The following SLK variants were observed in gnomAD, a reference collection of about 807,000 sequenced individuals.
The protein encoded by SLK is STE20-like serine/threonine-protein kinase.
Under a neutral mutation model 147.7 loss-of-function variants are expected in SLK, and 67 were observed. The observed-to-expected ratio is 0.45, with a 90% confidence interval of 0.37 to 0.56. The LOEUF (loss-of-function observed/expected upper bound fraction) is 0.56. Ranked by LOEUF, SLK falls within the 20% of genes least tolerant of loss-of-function variation. SLK has a pLI of 0.00. For missense variants in SLK, 1,136 were observed against 1,438.8 expected (o/e 0.79, Z 3.41); for synonymous variants, 441 against 475.0 (o/e 0.93, Z 0.93).
chr10:103,998,482 C>CAT (rs1844203850), intron 4 of SLK, among the ~76,000 whole-genome samples: 1 of 152,152 alleles, frequency 6.6e-6, no homozygotes, highest in African/African-American at 2.4e-5. Context: ...TTTAGCAAGA[C>CAT]ATACACTGTC....
In SLK at chr10:104,005,657, A is replaced by G. The variant is rs763066659; in HGVS notation, c.2446A>G (p.Ser816Gly). The change falls in exon 10 of 19, where the codon AGT becomes GGT. Residue 816 changes from serine (S) to glycine (G), a missense_variant. Ser to Gly is a moderately conservative substitution (Grantham distance 56, BLOSUM62 0). Coordinates refer to ENST00000369755, the MANE Select transcript of SLK (RefSeq NM_014720.4). ...SVTTSKIVTDSDSKTEELRFL... is the reference protein window; with the variant it reads ...SVTTSKIVTDGDSKTEELRFL... Reference sequence around the variant, plus strand: ...AACAACATCAAAGATAGTTACAGATAGTGATTCCAAAACTGAAGAATTGCG... The same window carrying G: ...AACAACATCAAAGATAGTTACAGATGGTGATTCCAAAACTGAAGAATTGCG... The G allele has an allele frequency of 1.9e-6, 3 of 1,610,592 alleles. No homozygotes were observed. The Admixed American group carries it at 5.0e-5, about 27-fold the overall frequency.
At chr10:103,996,467 C>T (rs544259620) in intron 4 of SLK, among the ~76,000 whole-genome samples, 1 of 145,246 alleles carries the variant, frequency 6.9e-6, no homozygotes, top group African/African-American at 2.6e-5. Context: ...GGCGCTATCT[C>T]GGCTCACTGC....
chr10:104,008,180 A>G lies in SLK; in HGVS notation c.2608A>G (p.Lys870Glu). The G allele has an allele frequency of 1.2e-6, 2 of 1,612,040 alleles. No individual in the cohort carries two copies. The highest frequency in any genetic ancestry group is 1.7e-6 in the Non-Finnish European group (2 of 1,179,214). ...CTTGAGCTATATTGTTTTACAGAGT[A>G]AAAAGCGACAATATGACCAGGAAAT... ...FRRFEQEMMS[K>E]KRQYDQEIEN... Residue 870 changes from lysine to glutamate, a missense_variant, in exon 12 of 19, where the codon AAA becomes GAA. By Grantham distance (56) the Lys-to-Glu change is moderately conservative. Coordinates refer to ENST00000369755, the MANE Select transcript of SLK (RefSeq NM_014720.4).
chr10:104,001,430 T>A lies in SLK; in HGVS notation c.865-14T>A. The A allele has an allele frequency of 6.2e-7, 1 of 1,610,978 alleles. No individual in the cohort carries two copies. Among genetic ancestry groups the A allele is most frequent in the Non-Finnish European group, 8.5e-7 (1 of 1,177,410 alleles). On this transcript the variant is annotated splice_polypyrimidine_tract_variant and intron_variant, in intron 7 of 18. Transcript: ENST00000369755. The stretch of plus-strand genomic sequence containing the variant: ...ATTCCAGTTGTTGAGTATGTTCTTT[T>A]TAATGATCAACAGCATCCCTTTGTT...
chr10:103,984,119 A>C (rs928441500), intron 1 of SLK, among the ~76,000 whole-genome samples: 1 of 152,178 alleles, frequency 6.6e-6, no homozygotes, highest in Non-Finnish European at 1.5e-5. Context: ...CTGGACCCTA[A>C]CTGATACAAG....
chr10:103,995,538 T>C (rs893582137), intron 4 of SLK, among the ~76,000 whole-genome samples: 1 of 151,364 alleles, frequency 6.6e-6, no homozygotes, highest in Non-Finnish European at 1.5e-5. Flanking sequence ...GGGATTCTTG[T>C]GCCTCAGCCT....
In SLK at chr10:104,008,378, T is replaced by C. The variant is rs765077265; in HGVS notation, c.2784+22T>C. The C allele has an allele frequency of 1.9e-6, 3 of 1,543,608 alleles. No homozygotes were observed. The Admixed American group carries it at 6.2e-5, about 32-fold the overall frequency. On this transcript the variant is annotated intron_variant, in intron 12 of 18. Transcript: ENST00000369755. ...GGAGGTAAGTGTAAACTACTGTTTT[T>C]AATTACTAAAGCTTTTTTTTTAAAA...
chr10:104,001,058 C>CAAA lies in SLK; in HGVS notation c.865-360_865-358dup, dbSNP rs57046306. The stretch of plus-strand genomic sequence containing the variant: ...TGAGTGATAGAGTGAGACTCCGTCT[C>CAAA]AAAAAAAAAAAAAAAAAAAAAAAAA... On this transcript the variant is annotated intron_variant, in intron 7 of 18. Coordinates refer to ENST00000369755, the MANE Select transcript of SLK (RefSeq NM_014720.4). Among the ~76,000 whole-genome samples the CAAA allele has an allele frequency of 8.3e-4, 59 of 70,996 alleles. 1 individual carries two copies. The highest frequency in any genetic ancestry group is 9.8e-4 in the African/African-American group (15 of 15,340). The allele number at this position is 70,996 out of a possible 152,430, so 46.6% of individuals were successfully genotyped here. A position where few individuals can be genotyped will look rare whatever the true frequency, so the allele number is the denominator to read the frequency against.
At chr10:104,000,917 G>C (rs893033401) in intron 7 of SLK, among the ~76,000 whole-genome samples, 4 of 151,754 alleles carry the variant, frequency 2.6e-5, no homozygotes, top group Non-Finnish European at 4.4e-5. Flanking sequence ...AAATCAGCCG[G>C]GCATGGTGGC....
chr10:104,002,012 G>A (rs553499997), intron 8 of SLK, among the ~76,000 whole-genome samples, 160 bp from the exon 9 acceptor site: 3 of 152,168 alleles, frequency 2.0e-5, no homozygotes, highest in East Asian at 1.9e-4. Flanking sequence ...CACCGCACCC[G>A]GCCCATTTTT....
chr10:104,024,838 C>G (rs544379932), intron 18 of SLK, among the ~76,000 whole-genome samples: 12 of 152,242 alleles, frequency 7.9e-5, no homozygotes, highest in Admixed American at 1.3e-4. Context: ...TTACAGACTG[C>G]CGACTTCTCA....
intron 1 of SLK, 28 bp downstream of exon 1, chr10:103,967,923 C>T (rs551901210): frequency 1.2e-6 from 2 of 1,610,722 alleles, no homozygotes; most frequent in South Asian, 2.2e-5. Context: ...GGAAGTTGTA[C>T]TGCGAAGGTA....
chr10:103,997,315 G>A (rs901738635), intron 4 of SLK, among the ~76,000 whole-genome samples: 1 of 152,090 alleles, frequency 6.6e-6, no homozygotes, highest in Non-Finnish European at 1.5e-5. Flanking sequence ...TTGTTTATCC[G>A]TTCATCCATC....
Position 104,005,895 on chromosome 10 carries a change from C to G in SLK, c.2481-17C>G. ...ATTTTTGCTGTCTTCTCTATCATTA[C>G]CATTAAATTTTATCAGACGTCAGGA... On this transcript the variant is annotated splice_polypyrimidine_tract_variant and intron_variant, in intron 10 of 18. Transcript: ENST00000369755. 1 of 1,593,840 alleles carries G rather than the reference C, an allele frequency of 6.3e-7. No homozygotes were observed.
chr10:104,025,785 CCA>C lies in SLK; in HGVS notation c.*68_*69del. ...TATGTCATTCTGTTCTCATCTTCTG[CCA>C]CAGTCTCTCAGATAGCTCATGAAGA... is the stretch of plus-strand genomic sequence containing the variant. On this transcript the variant is annotated 3_prime_UTR_variant, in exon 19 of 19. Coordinates refer to ENST00000369755, the MANE Select transcript of SLK (RefSeq NM_014720.4). 1 of 1,414,344 alleles carries C rather than the reference CCA, an allele frequency of 7.1e-7. No homozygotes were observed. 87.6% of individuals were successfully genotyped at this position (1,414,344 alleles called of 1,614,324 possible). A position where few individuals can be genotyped will look rare whatever the true frequency, so the allele number is the denominator to read the frequency against.
Position 104,008,064 on chromosome 10 carries a change from T to C in SLK, c.2605-113T>C, listed in dbSNP as rs1844351358. 3 of 760,218 alleles carry C rather than the reference T, an allele frequency of 3.9e-6. No individual in the cohort carries two copies. In the East Asian group the frequency reaches 7.7e-5, roughly 20 times the overall value. 47.1% of individuals were successfully genotyped at this position (760,218 alleles called of 1,614,324 possible). A position where few individuals can be genotyped will look rare whatever the true frequency, so the allele number is the denominator to read the frequency against. ...GACTTTTTCAGTATTGTGAAGGTTA[T>C]AGTACATTACTAAATTTAAATACTA... On this transcript the variant is annotated intron_variant, in intron 11 of 18. Transcript: ENST00000369755.
At position 104,010,922 on chromosome 10, in the gene SLK, C is replaced by G; in HGVS notation, c.2877+14C>G. ...CAGCATGCTCAGGTAACAGCAGCAGCTTAATGCTACTAAAACCAGAAAGCA... is the reference window on the plus strand; with the variant it reads ...CAGCATGCTCAGGTAACAGCAGCAGGTTAATGCTACTAAAACCAGAAAGCA... On this transcript the variant is annotated intron_variant, in intron 13 of 18. Coordinates refer to ENST00000369755, the MANE Select transcript of SLK (RefSeq NM_014720.4). The G allele has an allele frequency of 6.6e-7, 1 of 1,520,464 alleles. No homozygotes were observed. The highest frequency in any genetic ancestry group is 8.8e-7 in the Non-Finnish European group (1 of 1,131,148). The allele number at this position is 1,520,464 out of a possible 1,614,324, so 94.2% of individuals were successfully genotyped here. A position where few individuals can be genotyped will look rare whatever the true frequency, so the allele number is the denominator to read the frequency against.
At chr10:103,997,627 C>T (rs1343443981) in intron 4 of SLK, among the ~76,000 whole-genome samples, 2 of 151,832 alleles carry the variant, frequency 1.3e-5, no homozygotes, top group East Asian at 1.9e-4. Context: ...GGGTGTGAAG[C>T]GGTAATGGGT....
chr10:103,982,137 T>C (rs11191889), intron 1 of SLK, among the ~76,000 whole-genome samples: 27,829 of 152,186 alleles, frequency 0.18, 3,025 homozygotes, highest in Non-Finnish European at 0.24. Flanking sequence ...TTTCTTGAAT[T>C]AATTTCCAGA....
Sources: gnomAD v4.1 joint callset for allele counts (sites outside exome capture counted in the v4.1 genomes callset) on GRCh38, gnomAD v4.1.1 for gene constraint, MANE v1.5 for transcripts, NCBI Gene and HGNC (gene_info 2026-07-23, HGNC 2026-07-21) for gene names.